DNASE1: variants seen among roughly 807,000 people sequenced by gnomAD.
The protein encoded by DNASE1 is deoxyribonuclease 1, also known as deoxyribonuclease-1.
Under a neutral mutation model 33.9 loss-of-function variants are expected in DNASE1, and 40 were observed. The ratio of observed to expected loss-of-function variants is 1.18; its 90% CI spans 0.92 to 1.54. DNASE1 has a LOEUF of 1.54. Ranked by LOEUF, DNASE1 falls within the 40% of genes most tolerant of loss-of-function variation. The pLI is 0.00. For synonymous variants in DNASE1, 216 were observed against 160.0 expected (o/e 1.35, Z -2.64); for missense variants, 518 against 372.6 (o/e 1.39, Z -3.21).
chr16:3,620,672 A>G (rs893039959), intron 1 of DNASE1, among the ~76,000 whole-genome samples: 10 of 152,158 alleles, frequency 6.6e-5, no homozygotes, highest in South Asian at 2.1e-4. Flanking sequence ...AGATTATGCA[A>G]TAAATGTCTT....
chr16:3,657,634 CAGGGCTCTTAG>C, intron 7 of DNASE1, 75 bp from the exon 8 acceptor site: 1 of 1,562,736 alleles, frequency 6.4e-7, no homozygotes, highest in Non-Finnish European at 8.7e-7. Context: ...TGGCAGGTCC[CAGGGCTCTTAG>C]TTTAGTTCCT....
Position 3,657,086 on chromosome 16 carries a change from A to T in DNASE1, c.524A>T (p.Asp175Val). The T allele has an allele frequency of 6.2e-7, 1 of 1,614,070 alleles. No individual in the cohort carries two copies. Among genetic ancestry groups the T allele is most frequent in the South Asian group, 1.1e-5 (1 of 91,088 alleles). Residue 175 changes from aspartate (D) to valine (V), a missense_variant, in exon 6 of 9, where the codon GAT becomes GTT. Coordinates refer to ENST00000246949, the MANE Select transcript of DNASE1 (RefSeq NM_005223.4). ...EIDALYDVYL[D>V]VQEKWGLEDV... ...GACGCTCTCTATGACGTCTACCTGG[A>T]TGTCCAAGAGAAATGGGGCTTGGAG...
At chr16:3,629,403 T>A (rs989544221) in intron 1 of DNASE1, among the ~76,000 whole-genome samples, 2 of 152,180 alleles carry the variant, frequency 1.3e-5, no homozygotes, top group African/African-American at 4.8e-5. Context: ...ATTTTGTAGG[T>A]TGGACCATCC....
chr16:3,628,438 C>G (rs2041588931), intron 1 of DNASE1, among the ~76,000 whole-genome samples: 1 of 152,056 alleles, frequency 6.6e-6, no homozygotes, highest in Non-Finnish European at 1.5e-5. Flanking sequence ...ATTGCTATGG[C>G]TAGAACTTCC....
At chr16:3,615,796 C>T (rs988643517) in intron 1 of DNASE1, among the ~76,000 whole-genome samples, 1 of 152,192 alleles carries the variant, frequency 6.6e-6, no homozygotes, top group Non-Finnish European at 1.5e-5. Context: ...CCTTACCCTC[C>T]TGGAATATTT....
upstream of DNASE1, chr16:3,653,095 A>G (rs1385897561): frequency 2.6e-5 from 4 of 152,248 alleles, no homozygotes; most frequent in African/African-American, 7.2e-5. Flanking sequence ...GGCTGTTGAG[A>G]TAAGGACATC....
chr16:3,634,241 T>G (rs2041798198), intron 1 of DNASE1, among the ~76,000 whole-genome samples: 1 of 151,756 alleles, frequency 6.6e-6, no homozygotes. Context: ...TGTTTGTTTG[T>G]TTTTTGAGAC....
At chr16:3,651,324 T>G (rs908453889), upstream of DNASE1, 2 of 152,232 alleles carry the variant, frequency 1.3e-5, no homozygotes, top group Non-Finnish European at 2.9e-5. Flanking sequence ...CAGGTTTAAT[T>G]TAACCTGAGA....
chr16:3,634,629 C>T (rs963787428), intron 1 of DNASE1, among the ~76,000 whole-genome samples: 1 of 152,124 alleles, frequency 6.6e-6, no homozygotes, highest in Non-Finnish European at 1.5e-5. Flanking sequence ...CCTGCTTCAG[C>T]CCCTCAAGTA....
At chr16:3,637,077 T>C (rs2041890149) in intron 1 of DNASE1, among the ~76,000 whole-genome samples, 1 of 151,724 alleles carries the variant, frequency 6.6e-6, no homozygotes, top group South Asian at 2.1e-4. Flanking sequence ...TCAGTAGAGA[T>C]TGAGCCAGTG....
chr16:3,644,342 C>A (rs1234412030), intron 1 of DNASE1, among the ~76,000 whole-genome samples: 2 of 152,054 alleles, frequency 1.3e-5, no homozygotes, highest in Non-Finnish European at 2.9e-5. Context: ...GCAGGCAGAC[C>A]ACTTGAGGTC....
intron 1 of DNASE1, among the ~76,000 whole-genome samples, chr16:3,625,046 C>T (rs1373566346): frequency 2.6e-5 from 4 of 152,068 alleles, no homozygotes; most frequent in Admixed American, 2.6e-4. Context: ...GTGGCTCACT[C>T]CTGTAATCCC....
chr16:3,647,931 G>T (rs1338448862), intron 1 of DNASE1, among the ~76,000 whole-genome samples: 2 of 152,172 alleles, frequency 1.3e-5, no homozygotes, highest in African/African-American at 2.4e-5. Context: ...ACTTTGGAAG[G>T]CTGAGGCGGG....
chr16:3,633,480 C>T (rs971642212), intron 1 of DNASE1, among the ~76,000 whole-genome samples: 23 of 151,954 alleles, frequency 1.5e-4, no homozygotes, highest in East Asian at 1.4e-3. Flanking sequence ...TGGTGGTGGA[C>T]GCCTGTAATC....
At chr16:3,629,171 CAAAAAA>C (rs536378443) in intron 1 of DNASE1, among the ~76,000 whole-genome samples, 1 of 55,064 alleles carries the variant, frequency 1.8e-5, no homozygotes, top group African/African-American at 6.8e-5. Flanking sequence ...GACTAAGTCT[CAAAAAA>C]AAAAAAAAAA....
In DNASE1 at chr16:3,657,964, C is replaced by T. The variant is rs373124509; in HGVS notation, c.*11C>T. On this transcript the variant is annotated 3_prime_UTR_variant, in exon 9 of 9. Coordinates refer to ENST00000246949, the MANE Select transcript of DNASE1 (RefSeq NM_005223.4). ...GTGATGCTGAAGTGAGCAGCCCCTC[C>T]CCACACCAGTTGAACTGCAGGAAGA... 3 of 1,613,764 alleles carry T rather than the reference C, an allele frequency of 1.9e-6. No homozygotes were observed. The highest frequency in any genetic ancestry group is 1.7e-6 in the Non-Finnish European group (2 of 1,179,990).
intron 1 of DNASE1, among the ~76,000 whole-genome samples, chr16:3,646,077 A>G (rs1450573455): frequency 6.6e-6 from 1 of 152,188 alleles, no homozygotes; most frequent in Non-Finnish European, 1.5e-5. Context: ...AGCCGAGGGC[A>G]GATAGGTCTT....
At chr16:3,661,982 C>G (rs766252307), downstream of DNASE1, 10 of 1,598,112 alleles carry the variant, frequency 6.3e-6, no homozygotes, top group South Asian at 3.3e-5. Flanking sequence ...GGAGCGTGGC[C>G]TCACCTGGGG....
intron 1 of DNASE1, among the ~76,000 whole-genome samples, chr16:3,614,405 G>C (rs2041028396): frequency 6.6e-6 from 1 of 152,204 alleles, no homozygotes; most frequent in Non-Finnish European, 1.5e-5. Flanking sequence ...ACCACGTTCA[G>C]AGCCACAAGG....
Sources: allele counts gnomAD v4.1 joint callset (sites outside exome capture counted in the v4.1 genomes callset), GRCh38; gene constraint gnomAD v4.1.1; transcripts MANE v1.5; gene names NCBI Gene and HGNC (gene_info 2026-07-23, HGNC 2026-07-21).